RERE: variants seen among roughly 807,000 people sequenced by gnomAD.
The protein encoded by RERE is arginine-glutamic acid dipeptide repeats protein.
Under a neutral mutation model 146.1 loss-of-function variants are expected in RERE, and 40 were observed. The ratio of observed to expected loss-of-function variants is 0.27; its 90% confidence interval spans 0.21 to 0.36. The LOEUF (loss-of-function observed/expected upper bound fraction) is 0.36. RERE is among the 10% of genes least tolerant of loss of function. The probability of loss-of-function intolerance (pLI) is 1.00; values close to 1 mark genes in which losing one functional copy is unlikely to be tolerated. For missense variants in RERE, 1,933 were observed against 2,138.7 expected (o/e 0.90, Z 1.90); for synonymous variants, 1,003 against 866.0 (o/e 1.16, Z -2.78).
chr1:8,649,227 C>G (rs370216732), intron 2 of RERE, among the ~76,000 whole-genome samples: 13 of 152,110 alleles, frequency 8.5e-5, no homozygotes, highest in African/African-American at 2.9e-4. Context: ...GGCTGACAGA[C>G]AACAAAGAAG....
At chr1:8,539,727 G>T (rs552423645) in intron 7 of RERE, among the ~76,000 whole-genome samples, 19 of 152,262 alleles carry the variant, frequency 1.2e-4, no homozygotes, top group African/African-American at 4.1e-4. Flanking sequence ...TTCTAAAGGA[G>T]AAAAGGTACT....
At chr1:8,511,928 C>G (rs1406284119) in intron 7 of RERE, 1 of 150,568 alleles carries the variant, frequency 6.6e-6, no homozygotes, top group Admixed American at 6.6e-5. Flanking sequence ...GTGAACTGCT[C>G]CCTTCTTGAA....
chr1:8,711,640 C>G lies in RERE; in HGVS notation c.-144-55199G>C, dbSNP rs1184687290. Among the ~76,000 whole-genome samples, 3 of 152,102 alleles carry G rather than the reference C, an allele frequency of 2.0e-5. No individual in the cohort carries two copies. The East Asian group carries it at 5.8e-4, about 29-fold the overall frequency. On this transcript the variant is annotated intron_variant, in intron 1 of 22. Transcript: ENST00000400908. ...AAACAGTTTTGTGGAAGAAAGAGCTCAGGGATGCAGGGCCTCAATGGGATG... is the reference window on the plus strand; with the variant it reads ...AAACAGTTTTGTGGAAGAAAGAGCTGAGGGATGCAGGGCCTCAATGGGATG...
At chr1:8,531,112 T>C (rs1645646889) in intron 7 of RERE, among the ~76,000 whole-genome samples, 1 of 151,840 alleles carries the variant, frequency 6.6e-6, no homozygotes, top group Admixed American at 6.6e-5. Flanking sequence ...TATCTGTCCA[T>C]CCATCCATCC....
chr1:8,497,570 T>C (rs1164445588), intron 8 of RERE, 41 bp from the exon 9 acceptor site: 3 of 1,610,316 alleles, frequency 1.9e-6, no homozygotes, highest in Non-Finnish European at 1.7e-6. Flanking sequence ...AAGGCATGTA[T>C]TAATTATAAA....
chr1:8,741,991 G>C (rs1272924509), intron 1 of RERE, among the ~76,000 whole-genome samples: 1 of 152,172 alleles, frequency 6.6e-6, no homozygotes, highest in African/African-American at 2.4e-5. Context: ...AATTCAACCA[G>C]CTGGCAATAT....
chr1:8,810,343 T>C (rs1462961261), intron 1 of RERE, among the ~76,000 whole-genome samples: 1 of 150,232 alleles, frequency 6.7e-6, no homozygotes, highest in Non-Finnish European at 1.5e-5. Context: ...TAGTGGCTCA[T>C]GCCTGTAATC....
chr1:8,485,143 C>G (rs1279304522), intron 10 of RERE, among the ~76,000 whole-genome samples: 8 of 152,144 alleles, frequency 5.3e-5, no homozygotes. Context: ...GGGCAGATCA[C>G]CTGATGTAGG....
intron 1 of RERE, among the ~76,000 whole-genome samples, chr1:8,692,477 G>A (rs1006492658): frequency 3.3e-5 from 5 of 151,772 alleles, no homozygotes; most frequent in South Asian, 2.1e-4. Context: ...CTCCCGAGTA[G>A]CTGCGACTAG....
chr1:8,647,456 C>G (rs1647368781), intron 2 of RERE, among the ~76,000 whole-genome samples: 3 of 152,138 alleles, frequency 2.0e-5, no homozygotes, highest in Admixed American at 2.0e-4. Context: ...CCTAAAGATG[C>G]CTTTATGCTA....
chr1:8,671,371 G>A lies in RERE; in HGVS notation c.-144-14930C>T, dbSNP rs563268504. Among the ~76,000 whole-genome samples, 48 of 152,178 alleles carry A rather than the reference G, an allele frequency of 3.2e-4. 1 individual carries two copies. The Middle Eastern group carries it at 0.014, about 43-fold the overall frequency. ...CAGAGAAGCCGTCTACATAGGAAACGGGTGCCTATGGACAACTTCTGTATT... is the reference window on the plus strand; with the variant it reads ...CAGAGAAGCCGTCTACATAGGAAACAGGTGCCTATGGACAACTTCTGTATT... On this transcript the variant is annotated intron_variant, in intron 1 of 22. Coordinates refer to ENST00000400908, the MANE Select transcript of RERE (RefSeq NM_001042681.2).
intron 1 of RERE, among the ~76,000 whole-genome samples, chr1:8,698,372 C>G (rs1262444633): frequency 1.3e-5 from 2 of 152,208 alleles, no homozygotes; most frequent in Non-Finnish European, 2.9e-5. Flanking sequence ...TTCTACCCAG[C>G]TATTTTAAAA....
At chr1:8,357,273 C>G (rs1417579510) in intron 20 of RERE, among the ~76,000 whole-genome samples, 3 of 152,228 alleles carry the variant, frequency 2.0e-5, no homozygotes, top group Non-Finnish European at 4.4e-5. Flanking sequence ...TACCTGTCCT[C>G]AACACTGCTC....
chr1:8,803,595 T>G (rs1186128936), intron 1 of RERE, among the ~76,000 whole-genome samples: 1 of 152,224 alleles, frequency 6.6e-6, no homozygotes, highest in Non-Finnish European at 1.5e-5. Context: ...GTTTTCTGTT[T>G]TTTTGAGACA....
At chr1:8,675,505 A>G (rs894168725) in intron 1 of RERE, among the ~76,000 whole-genome samples, 1 of 151,364 alleles carries the variant, frequency 6.6e-6, no homozygotes, top group African/African-American at 2.4e-5. Context: ...CAAAAAAAAA[A>G]AAAAAAAAAA....
rs1278374831 is a variant in RERE at position 8,668,224 on chromosome 1, ACAAATT to A, written c.-144-11789_-144-11784del. ...TTCTTTGTTCTCTGAAATAAACTAG[ACAAATT>A]CAAAGTATTGCTTGAAACAGTAATT... is the stretch of plus-strand genomic sequence containing the variant. On this transcript the variant is annotated intron_variant, in intron 1 of 22. Coordinates refer to ENST00000400908, the MANE Select transcript of RERE (RefSeq NM_001042681.2). Among the ~76,000 whole-genome samples the A allele has an allele frequency of 2.0e-5, 3 of 152,360 alleles. No homozygotes were observed. The East Asian group carries it at 5.8e-4, about 29-fold the overall frequency.
chr1:8,748,268 G>A (rs1202810306), intron 1 of RERE, among the ~76,000 whole-genome samples: 4 of 152,120 alleles, frequency 2.6e-5, no homozygotes, highest in African/African-American at 7.2e-5. Flanking sequence ...AGACTCAAAC[G>A]TGGGATTCTA....
At chr1:8,525,960 T>C (rs1389883212) in intron 7 of RERE, 1 of 1,346,624 alleles carries the variant, frequency 7.4e-7, no homozygotes, top group Non-Finnish European at 9.5e-7. Context: ...ACGCAGAAAC[T>C]TCCCCTCACT....
At chr1:8,679,873 C>T (rs751145626) in intron 1 of RERE, among the ~76,000 whole-genome samples, 4 of 152,154 alleles carry the variant, frequency 2.6e-5, no homozygotes, top group Non-Finnish European at 2.9e-5. Flanking sequence ...GTGTGATCTG[C>T]CACTCAAGTT....
Sources: gnomAD v4.1 joint callset for allele counts (sites outside exome capture counted in the v4.1 genomes callset) on GRCh38, gnomAD v4.1.1 for gene constraint, MANE v1.5 for transcripts, NCBI Gene and HGNC (gene_info 2026-07-23, HGNC 2026-07-21) for gene names.